The following NCEH1 variants were observed in gnomAD, a reference collection of about 807,000 sequenced individuals.
NCEH1 encodes 2-acetyl MAGE hydrolase.
Under a neutral mutation model 25.4 loss-of-function variants are expected in NCEH1, and 9 were observed. The observed-to-expected ratio is 0.35, with a 90% CI of 0.21 to 0.62. NCEH1 has a LOEUF of 0.62. Ranked by LOEUF, NCEH1 falls within the 20% of genes least tolerant of loss-of-function variation. The probability of loss-of-function intolerance (pLI) is 0.72; values close to 1 mark genes in which losing one functional copy is unlikely to be tolerated. For synonymous variants in NCEH1, 200 were observed against 199.8 expected, an observed-to-expected ratio of 1.00 and a Z score of -0.01; for missense variants, 412 against 501.1, an observed-to-expected ratio of 0.82 and a Z score of 1.70.
At chr3:172,658,126 T>C (rs1448768823) in intron 1 of NCEH1, among the ~76,000 whole-genome samples, 1 of 152,132 alleles carries the variant, frequency 6.6e-6, no homozygotes, top group African/African-American at 2.4e-5. Flanking sequence ...AGTAGCCGGA[T>C]AAAACCCATC....
chr3:172,703,543 A>G (rs1713815969), intron 1 of NCEH1, among the ~76,000 whole-genome samples: 1 of 151,634 alleles, frequency 6.6e-6, no homozygotes, highest in Admixed American at 6.6e-5. Flanking sequence ...AAAAAAAAAA[A>G]AAAGTAAATA....
intron 1 of NCEH1, among the ~76,000 whole-genome samples, chr3:172,656,764 C>CA (rs879454938): frequency 1.9e-4 from 29 of 149,160 alleles, no homozygotes; most frequent in East Asian, 9.8e-4. Flanking sequence ...AGACTCCGGC[C>CA]AAAAAAAAAG....
intron 1 of NCEH1, among the ~76,000 whole-genome samples, chr3:172,682,282 G>A (rs571360705): frequency 1.5e-3 from 224 of 152,220 alleles, no homozygotes; most frequent in African/African-American, 4.4e-3. Context: ...CCCTAGCCCT[G>A]GGAAGGCTTC....
intron 1 of NCEH1, among the ~76,000 whole-genome samples, chr3:172,710,431 G>A (rs1057062851): frequency 2.0e-5 from 3 of 148,898 alleles, no homozygotes; most frequent in African/African-American, 7.3e-5. Context: ...CCAGGAACCA[G>A]AGCCTGCTTT....
At chr3:172,691,356 C>T (rs1713026074) in intron 1 of NCEH1, among the ~76,000 whole-genome samples, 1 of 152,214 alleles carries the variant, frequency 6.6e-6, no homozygotes, top group South Asian at 2.1e-4. Flanking sequence ...TTATGAGCTT[C>T]TAGATCTCTC....
At chr3:172,710,393 T>C (rs1256379438) in intron 1 of NCEH1, among the ~76,000 whole-genome samples, 1 of 152,222 alleles carries the variant, frequency 6.6e-6, no homozygotes, top group Non-Finnish European at 1.5e-5. Flanking sequence ...TGCCCTTGCC[T>C]GCTTCTGCTT....
At chr3:172,703,873 C>T (rs487255) in intron 1 of NCEH1, among the ~76,000 whole-genome samples, 63,950 of 152,022 alleles carry the variant, frequency 0.42, 14,139 homozygotes, top group African/African-American at 0.54. Flanking sequence ...TCAGAACTAA[C>T]ACTGATTAAA....
chr3:172,672,084 G>A (rs1711668828), intron 1 of NCEH1, among the ~76,000 whole-genome samples: 1 of 152,072 alleles, frequency 6.6e-6, no homozygotes, highest in African/African-American at 2.4e-5. Context: ...CCTTACACAG[G>A]GGTAGCATTT....
chr3:172,639,392 T>C (rs1716747997), intron 3 of NCEH1, among the ~76,000 whole-genome samples: 1 of 151,808 alleles, frequency 6.6e-6, no homozygotes, highest in African/African-American at 2.4e-5. Context: ...ACTTTCAAAG[T>C]AGCTTGAAAT....
At chr3:172,682,435 G>T (rs544543770) in intron 1 of NCEH1, among the ~76,000 whole-genome samples, 91 of 152,086 alleles carry the variant, frequency 6.0e-4, no homozygotes, top group Non-Finnish European at 6.9e-4. Context: ...TCCTGGGTCT[G>T]GGGGGGTAAT....
intron 1 of NCEH1, among the ~76,000 whole-genome samples, chr3:172,652,245 A>C (rs1264929845): frequency 6.6e-6 from 1 of 152,218 alleles, no homozygotes; most frequent in Non-Finnish European, 1.5e-5. Flanking sequence ...GAAAGCATAA[A>C]TGTAGCAGGG....
At chr3:172,646,204 A>G (rs751942993) in intron 2 of NCEH1, among the ~76,000 whole-genome samples, 6 of 152,110 alleles carry the variant, frequency 3.9e-5, no homozygotes, top group Non-Finnish European at 8.8e-5. Flanking sequence ...AATTTTTTTT[A>G]ATTAGCCAGG....
chr3:172,661,756 T>G (rs1234795626), intron 1 of NCEH1, among the ~76,000 whole-genome samples: 1 of 148,538 alleles, frequency 6.7e-6, no homozygotes, highest in Non-Finnish European at 1.5e-5. Context: ...AGTTCACTCA[T>G]GATTTGCCTC....
intron 1 of NCEH1, among the ~76,000 whole-genome samples, chr3:172,688,330 C>CAAAAAAAAA (rs11376665): frequency 5.4e-4 from 36 of 66,212 alleles, no homozygotes; most frequent in Non-Finnish European, 7.6e-4. Flanking sequence ...AACTCCACCT[C>CAAAAAAAAA]AAAAAAAAAA....
intron 3 of NCEH1, among the ~76,000 whole-genome samples, chr3:172,643,323 T>C (rs1055426582): frequency 2.0e-5 from 3 of 152,162 alleles, no homozygotes; most frequent in African/African-American, 7.2e-5. Context: ...TCCTTGTACC[T>C]CAGCCTCTCA....
intron 1 of NCEH1, among the ~76,000 whole-genome samples, chr3:172,685,342 C>T (rs1577083475): frequency 6.6e-6 from 1 of 152,336 alleles, no homozygotes; most frequent in Non-Finnish European, 1.5e-5. Context: ...TTCTCTTGAC[C>T]TAATAATTCT....
intron 3 of NCEH1, among the ~76,000 whole-genome samples, chr3:172,643,046 C>T (rs944989696): frequency 6.6e-6 from 1 of 152,112 alleles, no homozygotes; most frequent in African/African-American, 2.4e-5. Flanking sequence ...TCAAGTGATT[C>T]TCCTACCTCA....
chr3:172,692,581 T>C (rs1713131965), intron 1 of NCEH1, among the ~76,000 whole-genome samples: 1 of 151,876 alleles, frequency 6.6e-6, no homozygotes, highest in Non-Finnish European at 1.5e-5. Flanking sequence ...CCCAGGCTGG[T>C]CTCAAACTCC....
At chr3:172,674,905 C>T (rs1560196701) in intron 1 of NCEH1, among the ~76,000 whole-genome samples, 1 of 152,078 alleles carries the variant, frequency 6.6e-6, no homozygotes, top group Non-Finnish European at 1.5e-5. Flanking sequence ...AAAAAGCAAA[C>T]ATAGAAGTTT....
Sources: gnomAD v4.1 joint callset for allele counts (sites outside exome capture counted in the v4.1 genomes callset) on GRCh38, gnomAD v4.1.1 for gene constraint, MANE v1.5 for transcripts, NCBI Gene and HGNC (gene_info 2026-07-23, HGNC 2026-07-21) for gene names.